The following NWD2 variants were observed in gnomAD, a reference collection of about 807,000 sequenced individuals.
The protein encoded by NWD2 is NACHT and WD repeat domain containing 2.
A neutral mutation model predicts 132.7 loss-of-function variants in NWD2; 37 were observed. The observed-to-expected ratio is 0.28, with a 90% confidence interval of 0.21 to 0.37. The LOEUF (loss-of-function observed/expected upper bound fraction) is 0.37, where lower values mean the gene tolerates loss of function less well. Among genes scored for constraint, NWD2 ranks in the 10% least tolerant of loss-of-function variants. The probability of loss-of-function intolerance (pLI) is 1.00; values close to 1 mark genes in which losing one functional copy is unlikely to be tolerated. For synonymous variants in NWD2, 705 were observed against 803.0 expected (o/e 0.88, Z 2.06); for missense variants, 1,592 against 2,122.4 (o/e 0.75, Z 4.91).
intron 3 of NWD2, among the ~76,000 whole-genome samples, chr4:37,380,607 A>G (rs1720433372): frequency 6.6e-6 from 1 of 152,214 alleles, no homozygotes; most frequent in African/African-American, 2.4e-5. Flanking sequence ...ATTAGGAACT[A>G]TATGCTAAGG....
intron 2 of NWD2, among the ~76,000 whole-genome samples, chr4:37,350,428 T>C (rs1156643168): frequency 6.6e-6 from 1 of 152,206 alleles, no homozygotes; most frequent in Non-Finnish European, 1.5e-5. Flanking sequence ...TCTAGGTATT[T>C]TATTCTCTTA....
At chr4:37,365,743 C>G (rs954725133) in intron 3 of NWD2, among the ~76,000 whole-genome samples, 2 of 152,116 alleles carry the variant, frequency 1.3e-5, no homozygotes, top group African/African-American at 4.8e-5. Flanking sequence ...ATAATTATTG[C>G]TAATATATTA....
At chr4:37,254,887 G>T (rs1447041137) in intron 1 of NWD2, among the ~76,000 whole-genome samples, 1 of 152,156 alleles carries the variant, frequency 6.6e-6, no homozygotes, top group African/African-American at 2.4e-5. Context: ...CAGATGTCAG[G>T]TGTATTATTC....
intron 2 of NWD2, among the ~76,000 whole-genome samples, chr4:37,351,570 C>T (rs1204465797): frequency 6.6e-6 from 1 of 151,844 alleles, no homozygotes; most frequent in Non-Finnish European, 1.5e-5. Context: ...TCTGTCTTTT[C>T]TTCTTTATTA....
At chr4:37,314,159 T>G (rs1360098860) in intron 1 of NWD2, among the ~76,000 whole-genome samples, 2 of 152,264 alleles carry the variant, frequency 1.3e-5, no homozygotes, top group East Asian at 3.8e-4. Context: ...TCCCACTTGA[T>G]TATAATGTGT....
Position 37,446,068 on chromosome 4 carries a change from T to C in NWD2, c.4080T>C (p.Val1360=), listed in dbSNP as rs978837626. 16 of 1,551,706 alleles carry C rather than the reference T, an allele frequency of 1.0e-5. No homozygotes were observed. In the African/African-American group the frequency reaches 2.1e-4, roughly 20 times the overall value. ...IEAVFKHEGI[V]EHCVLTSTGD... ...CAGTATTCAAGCATGAAGGAATAGT[T>C]GAACACTGTGTGTTAACATCCACCG... The change falls in exon 7 of 7, where the codon GTT becomes GTC. Residue 1360 remains valine, a synonymous_variant. Transcript: ENST00000309447. The surrounding 1 kb of genome is among the most constrained non-coding windows in gnomAD (Gnocchi z 6.7).
intron 1 of NWD2, among the ~76,000 whole-genome samples, chr4:37,274,803 A>G (rs1429836073): frequency 3.3e-5 from 5 of 152,028 alleles, no homozygotes; most frequent in East Asian, 1.9e-4. Flanking sequence ...ACGTAATCCA[A>G]CATATAAACA....
chr4:37,255,680 T>C (rs371263521), intron 1 of NWD2, among the ~76,000 whole-genome samples: 18 of 152,192 alleles, frequency 1.2e-4, no homozygotes, highest in African/African-American at 2.9e-4. Context: ...GCAAAAACAA[T>C]AGGATCCCAG....
chr4:37,311,716 G>A (rs957163635), intron 1 of NWD2, among the ~76,000 whole-genome samples: 5 of 148,562 alleles, frequency 3.4e-5, no homozygotes, highest in African/African-American at 1.0e-4. Flanking sequence ...GCCTATGTCC[G>A]GAATGGTAAT....
chr4:37,387,670 C>CTTT (rs34665816), intron 3 of NWD2, among the ~76,000 whole-genome samples: 38 of 88,694 alleles, frequency 4.3e-4, no homozygotes, highest in East Asian at 1.1e-3. Flanking sequence ...TTGAAATATT[C>CTTT]TTTTTTTTTT....
At chr4:37,265,991 A>G (rs1374601492) in intron 1 of NWD2, among the ~76,000 whole-genome samples, 1 of 152,118 alleles carries the variant, frequency 6.6e-6, no homozygotes, top group African/African-American at 2.4e-5. Context: ...CTTTAAGAAC[A>G]CTACAGTCTT....
intron 1 of NWD2, among the ~76,000 whole-genome samples, chr4:37,278,838 C>A (rs1404848171): frequency 6.6e-6 from 1 of 152,166 alleles, no homozygotes; most frequent in African/African-American, 2.4e-5. Flanking sequence ...ATATTTCACT[C>A]TTCACCCTTT....
intron 3 of NWD2, among the ~76,000 whole-genome samples, chr4:37,373,116 T>G (rs1219116949): frequency 1.3e-5 from 2 of 152,224 alleles, no homozygotes; most frequent in Non-Finnish European, 2.9e-5. Flanking sequence ...CCAGGTGCTA[T>G]TCTGCATTTT....
chr4:37,344,971 T>C (rs999417123), intron 2 of NWD2, among the ~76,000 whole-genome samples: 2 of 152,140 alleles, frequency 1.3e-5, no homozygotes, highest in Non-Finnish European at 2.9e-5. Context: ...AATCATACAA[T>C]ATGTGGTCTT....
rs562095876 is a variant in NWD2, at chr4:37,313,622, G to T, written c.152-12314G>T. ...TTTTTGAAGGATTTTTAGCTGTAGGGATTTTTGAAGATGCTATTTATCAAG... is the reference window on the plus strand; with the variant it reads ...TTTTTGAAGGATTTTTAGCTGTAGGTATTTTTGAAGATGCTATTTATCAAG... On this transcript the variant is annotated intron_variant, in intron 1 of 6. Transcript: ENST00000309447. Among the ~76,000 whole-genome samples, 6 of 151,002 alleles carry T rather than the reference G, an allele frequency of 4.0e-5. No homozygotes were observed. The East Asian group carries it at 1.2e-3, about 29-fold the overall frequency.
At chr4:37,307,967 T>C (rs1480792509) in intron 1 of NWD2, among the ~76,000 whole-genome samples, 1 of 152,178 alleles carries the variant, frequency 6.6e-6, no homozygotes, top group African/African-American at 2.4e-5. Flanking sequence ...TTTTGTGATA[T>C]CTATGTATTA....
intron 5 of NWD2, among the ~76,000 whole-genome samples, chr4:37,436,466 T>C (rs1236498583): frequency 6.6e-6 from 1 of 152,178 alleles, no homozygotes; most frequent in Non-Finnish European, 1.5e-5. Flanking sequence ...TTATCCCCCC[T>C]GAGCCAAGCT....
At chr4:37,299,838 A>T (rs1397679624) in intron 1 of NWD2, among the ~76,000 whole-genome samples, 1 of 152,148 alleles carries the variant, frequency 6.6e-6, no homozygotes. Context: ...TCTTCTGTAT[A>T]TATGCTTTCT....
chr4:37,282,723 C>G (rs542072903), intron 1 of NWD2, among the ~76,000 whole-genome samples: 1 of 152,214 alleles, frequency 6.6e-6, no homozygotes, highest in African/African-American at 2.4e-5. Flanking sequence ...CACACATTTA[C>G]CGAAGATAGT....
Sources: allele counts gnomAD v4.1 joint callset (sites outside exome capture counted in the v4.1 genomes callset), GRCh38; gene constraint gnomAD v4.1.1; non-coding constraint Gnocchi (gnomAD v3.1); transcripts MANE v1.5; gene names NCBI Gene and HGNC (gene_info 2026-07-23, HGNC 2026-07-21).